The following TENM3 variants were observed in gnomAD, a reference collection of about 807,000 sequenced individuals.
TENM3 encodes the protein teneurin transmembrane protein 3.
A neutral mutation model predicts 255.1 loss-of-function variants in TENM3; 63 were observed. That is an observed-to-expected ratio of 0.25 (90% CI 0.20 to 0.30). The LOEUF (loss-of-function observed/expected upper bound fraction) is 0.30, where lower values mean the gene tolerates loss of function less well. TENM3 is among the 10% of genes least tolerant of loss of function. The probability of loss-of-function intolerance (pLI) is 1.00; values close to 1 mark genes in which losing one functional copy is unlikely to be tolerated. For synonymous variants in TENM3, 1,306 were observed against 1,322.3 expected (o/e 0.99, Z 0.27); for missense variants, 2,929 against 3,461.1 (o/e 0.85, Z 3.86).
intron 1 of TENM3, among the ~76,000 whole-genome samples, chr4:182,317,654 T>TG (rs1435685942): frequency 6.6e-6 from 1 of 152,128 alleles, no homozygotes; most frequent in East Asian, 1.9e-4. Context: ...GATTCTCTTG[T>TG]GTTCTACTAT....
chr4:182,510,516 A>G (rs1221546696), intron 3 of TENM3, among the ~76,000 whole-genome samples: 1 of 152,154 alleles, frequency 6.6e-6, no homozygotes, highest in Non-Finnish European at 1.5e-5. Flanking sequence ...TAGTTATTCC[A>G]GTTCTGATTG....
At chr4:181,520,812 G>A in the TENM3 span, among the ~76,000 whole-genome samples, 20 of 151,698 alleles carry the variant, frequency 1.3e-4, no homozygotes, top group Admixed American at 3.3e-4. Context: ...CATGTTGAAC[G>A]CTCAACAATT....
the TENM3 span, among the ~76,000 whole-genome samples, chr4:181,483,561 A>C: frequency 1.3e-5 from 2 of 152,190 alleles, no homozygotes; most frequent in Non-Finnish European, 2.9e-5. Context: ...TTAATGACTG[A>C]TTTAAAGTTT....
chr4:182,051,241 G>A, the TENM3 span, among the ~76,000 whole-genome samples: 1 of 151,792 alleles, frequency 6.6e-6, no homozygotes, highest in African/African-American at 2.4e-5. Context: ...TACTCGGGAG[G>A]CTAAGGCAGG....
chr4:182,161,791 A>ATGTGTATATATATACACATATATATG lies in TENM3; in HGVS notation c.-76+17040_-76+17041insGTATATATATACACATATATATGTGT, dbSNP rs374327491. Among the ~76,000 whole-genome samples, 48 of 34,286 alleles carry ATGTGTATATATATACACATATATATG rather than the reference A, an allele frequency of 1.4e-3. 13 individuals are homozygous for ATGTGTATATATATACACATATATATG. In the East Asian group the frequency reaches 0.059, roughly 42 times the overall value. 22.5% of individuals were successfully genotyped at this position (34,286 alleles called of 152,430 possible). ...TGTGTATATATATATACACAAATAT[A>ATGTGTATATATATACACATATATATG]TGTATATATATACACATATATATGT... On this transcript the variant is annotated intron_variant, in intron 1 of 2. Transcript: ENST00000512480.
intron 4 of TENM3, among the ~76,000 whole-genome samples, chr4:182,619,652 G>C (rs1749910075): frequency 1.3e-5 from 2 of 148,866 alleles, no homozygotes; most frequent in South Asian, 4.3e-4. Context: ...TCTTGTTGTT[G>C]TTAAATAGAA....
At chr4:181,824,509 C>T in the TENM3 span, among the ~76,000 whole-genome samples, 1 of 152,220 alleles carries the variant, frequency 6.6e-6, no homozygotes, top group African/African-American at 2.4e-5. Flanking sequence ...TGTAGAATAA[C>T]AATTTCACAA....
the TENM3 span, among the ~76,000 whole-genome samples, chr4:181,941,049 C>T: frequency 2.0e-5 from 3 of 152,270 alleles, no homozygotes; most frequent in East Asian, 3.9e-4. Flanking sequence ...GATGGTGTAA[C>T]CATTCCCCGA....
chr4:181,670,016 C>T, the TENM3 span, among the ~76,000 whole-genome samples: 1 of 152,200 alleles, frequency 6.6e-6, no homozygotes, highest in East Asian at 1.9e-4. Flanking sequence ...CTAATTTTAG[C>T]TATGAAATTT....
At chr4:182,219,091 G>A (rs945157017) in intron 1 of TENM3, among the ~76,000 whole-genome samples, 2 of 152,094 alleles carry the variant, frequency 1.3e-5, no homozygotes, top group African/African-American at 2.4e-5. Flanking sequence ...GCGTGGTGGC[G>A]GGCACCTGTA....
At chr4:182,568,877 A>C (rs1183019124) in intron 3 of TENM3, among the ~76,000 whole-genome samples, 1 of 152,274 alleles carries the variant, frequency 6.6e-6, no homozygotes, top group Non-Finnish European at 1.5e-5. Flanking sequence ...GGCCAGGCAC[A>C]AACGAGTACA....
At chr4:181,895,512 T>A in the TENM3 span, among the ~76,000 whole-genome samples, 4 of 150,352 alleles carry the variant, frequency 2.7e-5, no homozygotes, top group Non-Finnish European at 5.9e-5. Flanking sequence ...ATCTTTTCTG[T>A]GCAACTTTCT....
intron 1 of TENM3, among the ~76,000 whole-genome samples, chr4:182,184,493 GTTTTTTTT>G (rs3071525): frequency 1.6e-5 from 2 of 126,460 alleles, no homozygotes; most frequent in Admixed American, 1.5e-4. Context: ...GCATGGTTGA[GTTTTTTTT>G]TTTTTTTTTT....
intron 3 of TENM3, among the ~76,000 whole-genome samples, chr4:182,446,336 T>C (rs1388093905): frequency 6.6e-6 from 1 of 152,242 alleles, no homozygotes; most frequent in Non-Finnish European, 1.5e-5. Flanking sequence ...CTGTATGTAA[T>C]ACTTATATCT....
the TENM3 span, among the ~76,000 whole-genome samples, chr4:181,544,035 A>C: frequency 6.6e-6 from 1 of 152,192 alleles, no homozygotes; most frequent in African/African-American, 2.4e-5. Context: ...GAAATGAAGA[A>C]AGAGAATAAT....
intron 3 of TENM3, among the ~76,000 whole-genome samples, chr4:182,524,170 A>C (rs77806480): frequency 0.024 from 3,608 of 152,234 alleles, 50 homozygotes; most frequent in Middle Eastern, 0.041. Context: ...ATTTGGAAAA[A>C]AGGAAGAACG....
chr4:181,683,150 A>G, the TENM3 span, among the ~76,000 whole-genome samples: 1 of 152,158 alleles, frequency 6.6e-6, no homozygotes, highest in South Asian at 2.1e-4. Flanking sequence ...AATTAATAAC[A>G]ATGATAATAT....
intron 1 of TENM3, among the ~76,000 whole-genome samples, chr4:182,321,177 C>A (rs1350635273): frequency 6.6e-6 from 1 of 152,144 alleles, no homozygotes; most frequent in East Asian, 1.9e-4. Context: ...TTCCCTGGAA[C>A]TGAGACATAT....
Position 182,792,988 on chromosome 4 carries a change from TATG to T in TENM3, c.6319_6321del (p.Asp2107del). The T allele has an allele frequency of 1.2e-6, 2 of 1,613,954 alleles. No homozygotes were observed. Among genetic ancestry groups the T allele is most frequent in the Non-Finnish European group, 1.7e-6 (2 of 1,179,862 alleles). On this transcript the variant is annotated inframe_deletion, in exon 26 of 28. Coordinates refer to ENST00000511685, the MANE Select transcript of TENM3 (RefSeq NM_001080477.4). The surrounding 1 kb of genome is among the most constrained non-coding windows in gnomAD (Gnocchi z 6.3). ...GCTCATGTACTGGATTACAATTCAG[TATG>T]ATAACATGGGTCGGGTAACCAAGAG...
Sources: gnomAD v4.1 joint callset for allele counts (sites outside exome capture counted in the v4.1 genomes callset) on GRCh38, gnomAD v4.1.1 for gene constraint, Gnocchi (gnomAD v3.1) non-coding constraint, MANE v1.5 for transcripts, NCBI Gene and HGNC (gene_info 2026-07-23, HGNC 2026-07-21) for gene names.